The following FER variants were observed in gnomAD, a reference collection of about 807,000 sequenced individuals.
FER encodes tyrosine-protein kinase Fer.
A neutral mutation model predicts 111.0 loss-of-function variants in FER; 63 were observed. The observed-to-expected ratio is 0.57, with a 90% CI of 0.46 to 0.70. The LOEUF (loss-of-function observed/expected upper bound fraction) is 0.70, where lower values mean the gene tolerates loss of function less well. Ranked by LOEUF, FER falls within the 30% of genes least tolerant of loss-of-function variation. The pLI, the probability that FER is intolerant of heterozygous loss-of-function variation, is 0.00. For missense variants in FER, 914 were observed against 954.0 expected (o/e 0.96, Z 0.55); for synonymous variants, 327 against 313.9 (o/e 1.04, Z -0.44).
chr5:108,790,142 T>C (rs749048984), intron 2 of FER, among the ~76,000 whole-genome samples: 23 of 151,860 alleles, frequency 1.5e-4, no homozygotes, highest in Middle Eastern at 3.2e-3. Context: ...AATGTGCTAT[T>C]ATTGTGCCTG....
At chr5:109,157,825 A>T (rs1456778060) in intron 17 of FER, among the ~76,000 whole-genome samples, 1 of 152,150 alleles carries the variant, frequency 6.6e-6, no homozygotes, top group Non-Finnish European at 1.5e-5. Flanking sequence ...ACTACTGTAT[A>T]GCAGCATCTA....
At chr5:108,771,986 C>T (rs1752947373) in intron 2 of FER, among the ~76,000 whole-genome samples, 1 of 152,070 alleles carries the variant, frequency 6.6e-6, no homozygotes, top group African/African-American at 2.4e-5. Context: ...GTTAGGGAGT[C>T]TAGGAAGTCC....
chr5:108,754,205 G>A (rs1750812160), intron 1 of FER, among the ~76,000 whole-genome samples: 2 of 152,030 alleles, frequency 1.3e-5, no homozygotes, highest in South Asian at 2.1e-4. Context: ...GAGCCTAGAA[G>A]TTTGAGAGCA....
chr5:108,832,287 G>A (rs1760123623), intron 3 of FER, among the ~76,000 whole-genome samples: 1 of 152,176 alleles, frequency 6.6e-6, no homozygotes. Flanking sequence ...TTGGAAATAG[G>A]AAGCTAAGCG....
At chr5:109,048,616 T>C (rs2149916343) in intron 16 of FER, among the ~76,000 whole-genome samples, 1 of 152,294 alleles carries the variant, frequency 6.6e-6, no homozygotes, top group African/African-American at 2.4e-5. Context: ...AGTAACCTGT[T>C]TATATTTTTT....
intron 5 of FER, among the ~76,000 whole-genome samples, chr5:108,861,816 T>TA (rs1264091111): frequency 6.6e-6 from 1 of 152,198 alleles, no homozygotes; most frequent in African/African-American, 2.4e-5. Flanking sequence ...CATTGGTTTT[T>TA]ATATGGTATT....
At chr5:109,024,741 C>T (rs1197264098) in intron 13 of FER, among the ~76,000 whole-genome samples, 2 of 152,100 alleles carry the variant, frequency 1.3e-5, no homozygotes, top group South Asian at 4.1e-4. Context: ...TTGATGAGCC[C>T]CTGTGCCTTT....
intron 3 of FER, among the ~76,000 whole-genome samples, chr5:108,832,422 A>G (rs1414392134): frequency 2.0e-5 from 3 of 152,208 alleles, no homozygotes; most frequent in Non-Finnish European, 4.4e-5. Flanking sequence ...ACTGAAGACC[A>G]TAGTGGGACA....
At chr5:108,827,002 A>G (rs535235540) in intron 3 of FER, among the ~76,000 whole-genome samples, 5 of 152,256 alleles carry the variant, frequency 3.3e-5, no homozygotes, top group African/African-American at 1.2e-4. Flanking sequence ...AAGTTTACTG[A>G]TTCAAACAAT....
intron 3 of FER, among the ~76,000 whole-genome samples, chr5:108,802,612 G>C (rs1554067711): frequency 2.0e-5 from 3 of 150,180 alleles, no homozygotes. Context: ...TGGAGTATTT[G>C]TTTTTTTTTG....
At chr5:109,131,936 G>A (rs1179170154) in intron 17 of FER, among the ~76,000 whole-genome samples, 1 of 152,056 alleles carries the variant, frequency 6.6e-6, no homozygotes, top group Non-Finnish European at 1.5e-5. Flanking sequence ...TTAAAATTCA[G>A]GCTTTGCTAC....
At chr5:109,121,774 C>G (rs75022414) in intron 17 of FER, among the ~76,000 whole-genome samples, 15,941 of 151,954 alleles carry the variant, frequency 0.1, 845 homozygotes, top group Non-Finnish European at 0.12. Context: ...AATCTCATTA[C>G]TTGTTATTGG....
chr5:109,184,556 T>TTATCTTACAAAATAAGA (rs1410851175), intron 18 of FER, among the ~76,000 whole-genome samples: 1 of 152,164 alleles, frequency 6.6e-6, no homozygotes, highest in African/African-American at 2.4e-5. Flanking sequence ...TGCCCAGATA[T>TTATCTTACAAAATAAGA]TATCTTACAA....
At chr5:108,840,260 ATCCGG>A (rs1415564043) in intron 5 of FER, among the ~76,000 whole-genome samples, 26 of 152,342 alleles carry the variant, frequency 1.7e-4, no homozygotes, top group Admixed American at 1.0e-3. Flanking sequence ...ATCATCTAAT[ATCCGG>A]TCCATATTCT....
chr5:109,121,352 A>G (rs1481501548), intron 17 of FER, among the ~76,000 whole-genome samples: 1 of 152,132 alleles, frequency 6.6e-6, no homozygotes, highest in Admixed American at 6.6e-5. Flanking sequence ...TTGAAATGAT[A>G]ATATGGTTTT....
chr5:109,183,122 A>C (rs1330782529), intron 18 of FER, among the ~76,000 whole-genome samples: 1 of 152,166 alleles, frequency 6.6e-6, no homozygotes, highest in Non-Finnish European at 1.5e-5. Flanking sequence ...GGAGACGTTT[A>C]TAGTATTTAA....
At chr5:109,129,248 A>C (rs1360288920) in intron 17 of FER, among the ~76,000 whole-genome samples, 11 of 152,042 alleles carry the variant, frequency 7.2e-5, no homozygotes, top group Non-Finnish European at 1.6e-4. Context: ...CTACTTTTTC[A>C]GCAGTTTGTT....
chr5:109,195,479 T>C lies in FER; in HGVS notation c.*7904T>C, dbSNP rs1440197097. ...GATTGGTTCTACAAGGTTCATCTGA[T>C]TTCCCATAACAAGTAAATTTTATAA... is the stretch of plus-strand genomic sequence containing the variant. On this transcript the variant is annotated 3_prime_UTR_variant, in exon 20 of 20. Coordinates refer to ENST00000281092, the MANE Select transcript of FER (RefSeq NM_005246.4). The C allele has an allele frequency of 3.3e-5, 5 of 152,242 alleles. No individual in the cohort carries two copies. Among genetic ancestry groups the C allele is most frequent in the Non-Finnish European group, 7.3e-5 (5 of 68,036 alleles). The allele number at this position is 152,242 out of a possible 1,614,324, so 9.4% of individuals were successfully genotyped here.
chr5:108,884,316 G>T (rs1241951031), intron 9 of FER, among the ~76,000 whole-genome samples: 1 of 151,874 alleles, frequency 6.6e-6, no homozygotes, highest in Admixed American at 6.6e-5. Context: ...ACTTATTTCA[G>T]ATCTCTGATT....
Sources: allele counts gnomAD v4.1 joint callset (sites outside exome capture counted in the v4.1 genomes callset), GRCh38; gene constraint gnomAD v4.1.1; transcripts MANE v1.5; gene names NCBI Gene and HGNC (gene_info 2026-07-23, HGNC 2026-07-21).